Variants in ITIH5 observed in about 807,000 individuals in gnomAD.
ITIH5 encodes inter-alpha-trypsin inhibitor heavy chain 5.
ITIH5 carries 65 observed loss-of-function variants against 77.5 expected under a neutral mutation model. The observed-to-expected ratio is 0.84, with a 90% CI of 0.69 to 1.03. ITIH5 has a LOEUF of 1.03. Ranked by LOEUF, ITIH5 falls within the 50% of genes least tolerant of loss-of-function variation. The probability of loss-of-function intolerance (pLI) is 0.00; values close to 1 mark genes in which losing one functional copy is unlikely to be tolerated. For synonymous variants in ITIH5, 525 were observed against 494.3 expected (o/e 1.06, Z -0.82); for missense variants, 1,208 against 1,213.1 (o/e 1.00, Z 0.06).
In ITIH5 at chr10:7,640,764, C is replaced by A. The variant is rs938150111; in HGVS notation, c.391G>T (p.Glu131Ter). Residue 131 changes from glutamate (E) to a stop codon, truncating the protein, a stop_gained, in exon 4 of 14, where the codon GAA (glutamate) becomes TAA (stop). Transcript: ENST00000397146. LOFTEE classifies it high-confidence loss of function. ...TTAACCAATACTTACCCATTTTCTT[C>A]TGTGGTTTTATTCCTTTTCTCTTTT... ...RVKEKRNKTTEENGEKGTEIF... is the reference protein window; with the variant it reads ...RVKEKRNKTT The A allele has an allele frequency of 5.6e-6, 9 of 1,608,954 alleles. No individual in the cohort carries two copies. Among genetic ancestry groups the A allele is most frequent in the Non-Finnish European group, 7.7e-6 (9 of 1,175,612 alleles).
At chr10:7,645,011 G>A (rs532884599) in intron 2 of ITIH5, among the ~76,000 whole-genome samples, 135 of 149,456 alleles carry the variant, frequency 9.0e-4, no homozygotes, top group Non-Finnish European at 1.2e-3. Context: ...CCAAGACAGG[G>A]AGCTGCAATG....
intron 7 of ITIH5, 55 bp downstream of exon 7, chr10:7,615,927 C>A: frequency 1.8e-6 from 2 of 1,101,830 alleles, no homozygotes; most frequent in South Asian, 1.3e-5. Context: ...CAAAGCAAGT[C>A]ATTGTCCCAG....
chr10:7,647,872 T>A (rs908011060), intron 2 of ITIH5, among the ~76,000 whole-genome samples: 11 of 152,140 alleles, frequency 7.2e-5, no homozygotes, highest in African/African-American at 2.7e-4. Flanking sequence ...TGTGTGACTT[T>A]GCCAGATCAC....
At chr10:7,582,563 C>T (rs1215241184) in intron 8 of ITIH5, among the ~76,000 whole-genome samples, 1 of 152,094 alleles carries the variant, frequency 6.6e-6, no homozygotes, top group African/African-American at 2.4e-5. Flanking sequence ...TGACCATCAC[C>T]ACCATCCATC....
chr10:7,601,244 AAC>A (rs1481354018), intron 7 of ITIH5, among the ~76,000 whole-genome samples: 3 of 152,192 alleles, frequency 2.0e-5, no homozygotes, highest in Non-Finnish European at 4.4e-5. Flanking sequence ...GAATCAAAGG[AAC>A]AGTGTCTAAA....
chr10:7,662,593 T>C (rs1834294579), intron 1 of ITIH5, among the ~76,000 whole-genome samples: 1 of 152,220 alleles, frequency 6.6e-6, no homozygotes, highest in African/African-American at 2.4e-5. Flanking sequence ...TCGCCTTATA[T>C]GTGAGCATCC....
At chr10:7,654,705 G>T (rs942017910) in intron 2 of ITIH5, among the ~76,000 whole-genome samples, 1 of 152,168 alleles carries the variant, frequency 6.6e-6, no homozygotes, top group Non-Finnish European at 1.5e-5. Context: ...ATCATCCTTT[G>T]TCTCTGACCC....
intron 10 of ITIH5, 105 bp from the exon 11 acceptor site, chr10:7,573,300 C>T (rs913603418): frequency 1.4e-5 from 12 of 871,468 alleles, no homozygotes; most frequent in African/African-American, 5.1e-5. Flanking sequence ...CTTTTAGGTA[C>T]GTTTGTAACA....
chr10:7,627,154 G>A (rs1833594306), intron 5 of ITIH5, among the ~76,000 whole-genome samples: 1 of 152,028 alleles, frequency 6.6e-6, no homozygotes, highest in Non-Finnish European at 1.5e-5. Context: ...GTGGGCAAGG[G>A]GAGGGAAAGC....
chr10:7,655,665 C>G lies in ITIH5; in HGVS notation c.101G>C (p.Arg34Thr), dbSNP rs750922358. The change falls in exon 2 of 14, where the codon AGG (arginine) becomes ACG (threonine). Residue 34 changes from arginine to threonine, a missense_variant. Physicochemically the swap from Arg to Thr is moderately conservative, Grantham distance 71. Coordinates refer to ENST00000397146, the MANE Select transcript of ITIH5 (RefSeq NM_030569.7). ...WGHSSEQDGLRVPRQVRLLQR... is the reference protein window; with the variant it reads ...WGHSSEQDGLTVPRQVRLLQR... ...CAACAGTCTGACTTGCCTCGGGACC[C>G]TGAGTCCATCCTAGAAAAGAGAAGA... 6 of 1,612,114 alleles carry G rather than the reference C, an allele frequency of 3.7e-6. No homozygotes were observed. The East Asian group carries it at 1.3e-4, about 36-fold the overall frequency.
chr10:7,649,065 C>T (rs1443652972), intron 2 of ITIH5, among the ~76,000 whole-genome samples: 1 of 152,112 alleles, frequency 6.6e-6, no homozygotes, highest in Non-Finnish European at 1.5e-5. Context: ...GAGTCTATCC[C>T]CCTCCCAGTT....
chr10:7,577,980 T>C (rs1832459844), intron 9 of ITIH5, among the ~76,000 whole-genome samples: 1 of 152,228 alleles, frequency 6.6e-6, no homozygotes, highest in Non-Finnish European at 1.5e-5. Context: ...GTCCTCCCAA[T>C]GGAATATGGG....
intron 5 of ITIH5, among the ~76,000 whole-genome samples, chr10:7,630,512 T>C (rs772384438): frequency 2.0e-5 from 3 of 152,256 alleles, no homozygotes; most frequent in Non-Finnish European, 4.4e-5. Flanking sequence ...GTTTGTTCCA[T>C]TATAGCCATC....
At chr10:7,590,135 G>C (rs543382995) in intron 7 of ITIH5, among the ~76,000 whole-genome samples, 5 of 151,980 alleles carry the variant, frequency 3.3e-5, no homozygotes, top group Non-Finnish European at 7.4e-5. Flanking sequence ...GCTCAGACTC[G>C]ACTCGGTGGA....
intron 7 of ITIH5, among the ~76,000 whole-genome samples, chr10:7,598,259 CA>C (rs1832948956): frequency 6.6e-6 from 1 of 151,762 alleles, no homozygotes; most frequent in Non-Finnish European, 1.5e-5. Context: ...AGAAGATAAC[CA>C]AAAAAGGTGT....
At chr10:7,613,098 A>G (rs570406078) in intron 7 of ITIH5, among the ~76,000 whole-genome samples, 1 of 152,280 alleles carries the variant, frequency 6.6e-6, no homozygotes, top group East Asian at 1.9e-4. Flanking sequence ...TACAAAAATT[A>G]GCTGGGCATG....
intron 10 of ITIH5, among the ~76,000 whole-genome samples, chr10:7,574,467 A>C (rs2130952804): frequency 6.6e-6 from 1 of 152,256 alleles, no homozygotes; most frequent in South Asian, 2.1e-4. Context: ...TCAGAGCTTT[A>C]AGGAAAGGAA....
intron 7 of ITIH5, among the ~76,000 whole-genome samples, chr10:7,587,996 C>T (rs1169152986): frequency 6.6e-6 from 1 of 152,212 alleles, no homozygotes; most frequent in African/African-American, 2.4e-5. Flanking sequence ...AATCCTGAAT[C>T]CAACTGCTCA....
chr10:7,662,263 A>C (rs1183956842), intron 1 of ITIH5, among the ~76,000 whole-genome samples: 2 of 152,060 alleles, frequency 1.3e-5, no homozygotes, highest in Non-Finnish European at 2.9e-5. Context: ...AGGCTGAGGC[A>C]GGAGAATTGC....
Sources: gnomAD v4.1 joint callset for allele counts (sites outside exome capture counted in the v4.1 genomes callset) on GRCh38, gnomAD v4.1.1 for gene constraint, MANE v1.5 for transcripts, NCBI Gene and HGNC (gene_info 2026-07-23, HGNC 2026-07-21) for gene names.